Variants in CACNA2D3 observed in about 807,000 individuals in gnomAD.
CACNA2D3 encodes calcium voltage-gated channel auxiliary subunit alpha2delta 3, also known as voltage-dependent calcium channel subunit alpha-2/delta-3.
In CACNA2D3, 60 loss-of-function variants were observed where a neutral mutation model predicts 160.6. The observed-to-expected ratio is 0.37, with a 90% CI of 0.30 to 0.46. CACNA2D3 has a LOEUF of 0.46. Ranked by LOEUF, CACNA2D3 falls within the 20% of genes least tolerant of loss-of-function variation. The probability of loss-of-function intolerance (pLI) is 1.00; values close to 1 mark genes in which losing one functional copy is unlikely to be tolerated. For synonymous variants in CACNA2D3, 558 were observed against 492.9 expected, an observed-to-expected ratio of 1.13 and a Z score of -1.75; for missense variants, 1,205 against 1,365.0, an observed-to-expected ratio of 0.88 and a Z score of 1.85.
intron 4 of CACNA2D3, among the ~76,000 whole-genome samples, chr3:54,459,654 T>A (rs540072624): frequency 7.0e-4 from 106 of 152,146 alleles, no homozygotes; most frequent in African/African-American, 2.4e-3. Context: ...TTGAGTTCAT[T>A]GTAGATTCTG....
chr3:54,431,394 T>C (rs564822109), intron 4 of CACNA2D3, among the ~76,000 whole-genome samples: 2 of 151,990 alleles, frequency 1.3e-5, no homozygotes, highest in Admixed American at 1.3e-4. Flanking sequence ...ATATTTGCTA[T>C]TAAATGAAAG....
intron 33 of CACNA2D3, among the ~76,000 whole-genome samples, chr3:55,008,886 T>TACACAC (rs1491125549): frequency 6.7e-4 from 36 of 53,352 alleles, no homozygotes; most frequent in African/African-American, 2.4e-3. Flanking sequence ...CACCTCCCTC[T>TACACAC]ATACACACAC....
intron 2 of CACNA2D3, among the ~76,000 whole-genome samples, chr3:54,243,806 C>CCA (rs1227939786): frequency 6.6e-6 from 1 of 152,178 alleles, no homozygotes; most frequent in Non-Finnish European, 1.5e-5. Context: ...TTCAGACAAG[C>CCA]CACGGATCCC....
intron 11 of CACNA2D3, among the ~76,000 whole-genome samples, chr3:54,751,675 G>C (rs1414867024): frequency 6.6e-6 from 1 of 152,146 alleles, no homozygotes; most frequent in East Asian, 1.9e-4. Flanking sequence ...TGACCCATCA[G>C]ACTAGAGGAG....
chr3:54,265,446 G>T (rs1392578033), intron 2 of CACNA2D3, among the ~76,000 whole-genome samples: 2 of 151,920 alleles, frequency 1.3e-5, no homozygotes, highest in African/African-American at 4.8e-5. Flanking sequence ...ATGACGGGTT[G>T]ATGGGTGCAG....
chr3:54,528,047 T>C (rs1701751855), intron 5 of CACNA2D3, among the ~76,000 whole-genome samples: 1 of 152,200 alleles, frequency 6.6e-6, no homozygotes, highest in Non-Finnish European at 1.5e-5. Context: ...CAGAAATGTT[T>C]AAGTTCTCAA....
At chr3:54,758,247 G>A (rs1369821287) in intron 12 of CACNA2D3, among the ~76,000 whole-genome samples, 1 of 152,234 alleles carries the variant, frequency 6.6e-6, no homozygotes, top group East Asian at 1.9e-4. Flanking sequence ...TATTTCCCCA[G>A]TGTGTACCTT....
At chr3:54,930,182 A>G (rs555608531) in intron 27 of CACNA2D3, among the ~76,000 whole-genome samples, 18 of 152,296 alleles carry the variant, frequency 1.2e-4, no homozygotes, top group African/African-American at 4.3e-4. Context: ...GTGATCTGCA[A>G]ACTCTGGTTA....
intron 12 of CACNA2D3, among the ~76,000 whole-genome samples, chr3:54,762,719 C>G (rs376902485): frequency 6.6e-6 from 1 of 152,190 alleles, no homozygotes; most frequent in Non-Finnish European, 1.5e-5. Flanking sequence ...AACATAGCAG[C>G]GCCCTGGAAC....
Position 54,989,359 on chromosome 3 carries a change from C to A in CACNA2D3, c.2690+1606C>A, listed in dbSNP as rs3773579. On this transcript the variant is annotated intron_variant, in intron 31 of 37. Coordinates refer to ENST00000474759, the MANE Select transcript of CACNA2D3 (RefSeq NM_018398.3). ...TGGGTGAAGTACAGTTGGCATGAAT[C>A]TAGAACTTCCTTTTACTACAAGAGT... 3.1e-4 allele frequency among the ~76,000 whole-genome samples: 47 copies of A among 152,240 alleles called. No homozygotes were observed. In the East Asian group the frequency reaches 7.6e-3, roughly 24 times the overall value.
chr3:54,307,690 T>C (rs531039755), intron 2 of CACNA2D3, among the ~76,000 whole-genome samples: 3 of 152,350 alleles, frequency 2.0e-5, no homozygotes. Context: ...TTCTGGCTTT[T>C]GGCCCTGTAA....
At chr3:54,338,629 G>T (rs1442841887) in intron 3 of CACNA2D3, among the ~76,000 whole-genome samples, 3 of 152,060 alleles carry the variant, frequency 2.0e-5, no homozygotes, top group Admixed American at 1.3e-4. Context: ...CTGTCCAAAG[G>T]GCTTGTCGCT....
At chr3:54,237,943 A>G (rs1701913810) in intron 2 of CACNA2D3, among the ~76,000 whole-genome samples, 2 of 152,138 alleles carry the variant, frequency 1.3e-5, no homozygotes. Flanking sequence ...CTTTTCAGAG[A>G]CTTGGTTGTG....
rs185544324 is a variant in CACNA2D3 at position 54,151,651 on chromosome 3, C to G, written c.204+28057C>G. Among the ~76,000 whole-genome samples, 218 of 152,258 alleles carry G rather than the reference C, an allele frequency of 1.4e-3. 2 individuals are homozygous for G. Among genetic ancestry groups the G allele is most frequent in the African/African-American group, 5.0e-3 (206 of 41,538 alleles). On this transcript the variant is annotated intron_variant, in intron 2 of 37. Coordinates refer to ENST00000474759, the MANE Select transcript of CACNA2D3 (RefSeq NM_018398.3). ...CCCCATTAAGAGGGATGTTTTGTTGCAACAATGCTGAGAGAATGATGTGTC... is the reference window on the plus strand; with the variant it reads ...CCCCATTAAGAGGGATGTTTTGTTGGAACAATGCTGAGAGAATGATGTGTC...
intron 5 of CACNA2D3, among the ~76,000 whole-genome samples, chr3:54,508,861 C>A (rs1559500584): frequency 6.6e-6 from 1 of 152,208 alleles, no homozygotes; most frequent in Non-Finnish European, 1.5e-5. Flanking sequence ...AGACCTGTAA[C>A]CACCACTGCA....
chr3:55,046,091 T>C (rs535759871), intron 35 of CACNA2D3, among the ~76,000 whole-genome samples: 85 of 150,670 alleles, frequency 5.6e-4, no homozygotes, highest in Middle Eastern at 3.4e-3. Context: ...TGTTACACTT[T>C]TTTTTTTAAC....
chr3:54,233,334 A>G (rs1701813495), intron 2 of CACNA2D3, among the ~76,000 whole-genome samples: 1 of 152,236 alleles, frequency 6.6e-6, no homozygotes, highest in Non-Finnish European at 1.5e-5. Context: ...TGGGAGCCAC[A>G]GAACAATCAC....
intron 3 of CACNA2D3, among the ~76,000 whole-genome samples, chr3:54,351,853 A>G (rs533554183): frequency 6.6e-6 from 1 of 152,320 alleles, no homozygotes; most frequent in East Asian, 1.9e-4. Flanking sequence ...GCAGATGCCT[A>G]ATCTTAGCAT....
At chr3:55,034,081 A>G (rs1465040646) in intron 35 of CACNA2D3, among the ~76,000 whole-genome samples, 1 of 151,418 alleles carries the variant, frequency 6.6e-6, no homozygotes, top group Admixed American at 6.6e-5. Context: ...AGAAGAATTG[A>G]TGAGTCAAAG....
Sources: allele counts gnomAD v4.1 joint callset (sites outside exome capture counted in the v4.1 genomes callset), GRCh38; gene constraint gnomAD v4.1.1; transcripts MANE v1.5; gene names NCBI Gene and HGNC (gene_info 2026-07-23, HGNC 2026-07-21).